The following GAS2 variants were observed in gnomAD, a reference collection of about 807,000 sequenced individuals.
GAS2 encodes growth arrest-specific protein 2.
GAS2 carries 20 observed loss-of-function variants against 37.5 expected under a neutral mutation model. The ratio of observed to expected loss-of-function variants is 0.53; its 90% CI spans 0.37 to 0.77. The LOEUF is 0.77. GAS2 is among the 30% of genes least tolerant of loss of function. The pLI is 0.00. For missense variants in GAS2, 336 were observed against 373.4 expected (o/e 0.90, Z 0.82); for synonymous variants, 144 against 132.2 (o/e 1.09, Z -0.61).
intron 3 of GAS2, among the ~76,000 whole-genome samples, chr11:22,715,637 G>A (rs1469941914): frequency 6.6e-6 from 1 of 151,880 alleles, no homozygotes; most frequent in African/African-American, 2.4e-5. Context: ...AACCCTTGTA[G>A]ATTAAACCAG....
intron 1 of GAS2, among the ~76,000 whole-genome samples, chr11:22,635,828 C>G (rs1590552899): frequency 6.6e-6 from 1 of 152,296 alleles, no homozygotes; most frequent in East Asian, 1.9e-4. Flanking sequence ...TGATGCTGCT[C>G]CTTCTCATAT....
chr11:22,696,092 C>T (rs968783333), intron 3 of GAS2, among the ~76,000 whole-genome samples: 1 of 134,520 alleles, frequency 7.4e-6, no homozygotes, highest in Non-Finnish European at 1.6e-5. Flanking sequence ...TCCCTCCCCC[C>T]TCCCCCCACT....
intron 1 of GAS2, among the ~76,000 whole-genome samples, chr11:22,641,977 T>A (rs1021893197): frequency 5.3e-5 from 8 of 152,292 alleles, no homozygotes; most frequent in African/African-American, 1.9e-4. Flanking sequence ...GGGAAAAGCA[T>A]TTCTTACAGT....
chr11:22,674,424 T>C (rs1849332586), intron 1 of GAS2, among the ~76,000 whole-genome samples: 1 of 152,122 alleles, frequency 6.6e-6, no homozygotes, highest in African/African-American at 2.4e-5. Context: ...TTACAGTGAG[T>C]TGTAAAAATG....
chr11:22,774,481 G>A (rs1855151347), intron 7 of GAS2, among the ~76,000 whole-genome samples: 1 of 152,184 alleles, frequency 6.6e-6, no homozygotes, highest in Admixed American at 6.5e-5. Flanking sequence ...TATGTTTCAT[G>A]AAAATGTGGT....
At chr11:22,738,956 CAT>C (rs1381081718) in intron 5 of GAS2, among the ~76,000 whole-genome samples, 1 of 152,050 alleles carries the variant, frequency 6.6e-6, no homozygotes, top group African/African-American at 2.4e-5. Context: ...CAATTTGAGA[CAT>C]GTGAAGGTTT....
Position 22,811,345 on chromosome 11 carries a change from G to A in GAS2, c.724-453G>A, listed in dbSNP as rs575191435. On this transcript the variant is annotated intron_variant, in intron 7 of 7. Transcript: ENST00000454584. ...TGCACTTTCAATGTTATTTTGTATT[G>A]AGTATTTGTCTGACTCTTAGCATTG... Among the ~76,000 whole-genome samples the A allele has an allele frequency of 3.9e-5, 6 of 152,250 alleles. No homozygotes were observed. The South Asian group carries it at 1.2e-3, about 32-fold the overall frequency.
At chr11:22,706,864 T>G (rs1005211508) in intron 3 of GAS2, among the ~76,000 whole-genome samples, 2 of 152,152 alleles carry the variant, frequency 1.3e-5, no homozygotes, top group Non-Finnish European at 2.9e-5. Context: ...ATAGGATGGC[T>G]GGGTCAAATG....
At chr11:22,737,821 G>A (rs1852836642) in intron 5 of GAS2, 53 bp downstream of exon 5, 14 of 1,510,264 alleles carry the variant, frequency 9.3e-6, no homozygotes, top group South Asian at 7.9e-5. Flanking sequence ...CAGCATCCAA[G>A]CAACACAGAA....
intron 1 of GAS2, among the ~76,000 whole-genome samples, chr11:22,640,122 G>A (rs1208023619): frequency 6.6e-6 from 1 of 152,186 alleles, no homozygotes; most frequent in Non-Finnish European, 1.5e-5. Context: ...AGGTAGTGGA[G>A]GAGGAATTAA....
intron 7 of GAS2, among the ~76,000 whole-genome samples, chr11:22,797,533 G>A (rs1023820870): frequency 6.6e-6 from 1 of 152,026 alleles, no homozygotes; most frequent in Non-Finnish European, 1.5e-5. Flanking sequence ...CTTTATGTAT[G>A]TATGATTTAT....
At chr11:22,739,549 G>T (rs1852945747) in intron 5 of GAS2, among the ~76,000 whole-genome samples, 1 of 132,814 alleles carries the variant, frequency 7.5e-6, no homozygotes, top group Non-Finnish European at 1.6e-5. Flanking sequence ...CCCCAGCCTG[G>T]GCGACAGAGC....
intron 3 of GAS2, among the ~76,000 whole-genome samples, chr11:22,713,164 G>A (rs1851496041): frequency 6.6e-6 from 1 of 150,944 alleles, no homozygotes; most frequent in Admixed American, 6.6e-5. Context: ...ATATAATAAA[G>A]GACAATCACA....
intron 3 of GAS2, among the ~76,000 whole-genome samples, chr11:22,688,068 A>G (rs539205684): frequency 1.3e-5 from 2 of 152,238 alleles, no homozygotes; most frequent in Non-Finnish European, 2.9e-5. Flanking sequence ...GTAAGACTCA[A>G]TGTAAGATAA....
chr11:22,649,543 G>T (rs1440962360), intron 1 of GAS2, among the ~76,000 whole-genome samples: 1 of 152,042 alleles, frequency 6.6e-6, no homozygotes. Flanking sequence ...AATCCATCTG[G>T]TCCTGGACTC....
At chr11:22,744,171 CA>C (rs2134259527) in intron 5 of GAS2, among the ~76,000 whole-genome samples, 1 of 151,942 alleles carries the variant, frequency 6.6e-6, no homozygotes. Flanking sequence ...CCACCAACAA[CA>C]AAAAAGCCCT....
chr11:22,639,139 A>G lies in GAS2; in HGVS notation c.-21+13326A>G, dbSNP rs573946355. ...CTGTCTTTCTGGAAAAAAGGGTTCC[A>G]TATTGCTATAGTTTGAATATCCTCT... On this transcript the variant is annotated intron_variant, in intron 1 of 5. Coordinates refer to the GAS2 transcript ENST00000528582. Among the ~76,000 whole-genome samples the G allele has an allele frequency of 2.6e-5, 4 of 152,294 alleles. No individual in the cohort carries two copies. In the South Asian group the frequency reaches 8.3e-4, roughly 32 times the overall value.
At chr11:22,705,786 G>A (rs1424605061) in intron 3 of GAS2, among the ~76,000 whole-genome samples, 1 of 152,132 alleles carries the variant, frequency 6.6e-6, no homozygotes, top group Non-Finnish European at 1.5e-5. Flanking sequence ...TAATTAAAAA[G>A]TATGCAAACA....
rs182384348 is a variant in GAS2, at chr11:22,755,406, T to C, written c.616-440T>C. On this transcript the variant is annotated intron_variant, in intron 6 of 7. Transcript: ENST00000454584. ...TTGTTAAACTCACTCTCATTTATTT[T>C]GAAACTGGGTAAAATTAATATGATT... 7.4e-3 allele frequency among the ~76,000 whole-genome samples: 1,133 copies of C among 152,216 alleles called. 8 individuals carry two copies. Among genetic ancestry groups the C allele is most frequent in the Non-Finnish European group, 0.011 (735 of 67,986 alleles).
Sources: allele counts gnomAD v4.1 joint callset (sites outside exome capture counted in the v4.1 genomes callset), GRCh38; gene constraint gnomAD v4.1.1; transcripts MANE v1.5; gene names NCBI Gene and HGNC (gene_info 2026-07-23, HGNC 2026-07-21).